PHF20L1: variants seen among roughly 807,000 people sequenced by gnomAD.
PHF20L1 encodes PHD finger protein 20-like protein 1.
In PHF20L1, 44 loss-of-function variants were observed where a neutral mutation model predicts 125.5. That is an observed-to-expected ratio of 0.35 (90% CI 0.28 to 0.45). PHF20L1 has a LOEUF of 0.45. Ranked by LOEUF, PHF20L1 falls within the 20% of genes least tolerant of loss-of-function variation. The pLI is 1.00. For synonymous variants in PHF20L1, 380 were observed against 403.1 expected (o/e 0.94, Z 0.69); for missense variants, 1,012 against 1,217.2 (o/e 0.83, Z 2.51).
At chr8:132,839,336 A>G (rs1452941710) in intron 17 of PHF20L1, 51 bp from the exon 18 acceptor site, 3 of 1,425,248 alleles carry the variant, frequency 2.1e-6, no homozygotes, top group Non-Finnish European at 2.9e-6. Context: ...AGTTGATGAA[A>G]AATCCGAGTA....
chr8:132,817,502 T>C lies in PHF20L1; in HGVS notation c.1536T>C (p.Ser512=). The C allele has an allele frequency of 6.2e-7, 1 of 1,612,106 alleles. No individual in the cohort carries two copies. Among genetic ancestry groups the C allele is most frequent in the South Asian group, 1.1e-5 (1 of 91,014 alleles). ...KEDTQMLPNP[S]SKAIADGRGA... Reference sequence around the variant, plus strand: ...ATACACAGATGCTTCCAAATCCTTCTTCCAAAGCAATAGCTGATGGAAGAG... The same window carrying C: ...ATACACAGATGCTTCCAAATCCTTCCTCCAAAGCAATAGCTGATGGAAGAG... Residue 512 remains serine, a synonymous_variant, in exon 12 of 21, where the codon TCT becomes TCC. Transcript: ENST00000395386.
intron 13 of PHF20L1, chr8:132,825,046 T>G: frequency 1.4e-6 from 2 of 1,462,692 alleles, no homozygotes; most frequent in Non-Finnish European, 1.8e-6. Context: ...TATCAGGAGT[T>G]GGGATTTCTC....
intron 13 of PHF20L1, chr8:132,824,294 G>T (rs1257248213): frequency 2.9e-6 from 1 of 350,544 alleles, no homozygotes; most frequent in South Asian, 1.1e-4. Flanking sequence ...AGGAACTTTT[G>T]TGTTTATGAT....
At position 132,832,344 on chromosome 8, in the gene PHF20L1, A is replaced by T; in HGVS notation, c.1854A>T (p.Lys618Asn). 6.2e-7 allele frequency: 1 copy of T among 1,612,454 alleles called. No homozygotes were observed. The highest frequency in any genetic ancestry group is 8.5e-7 in the Non-Finnish European group (1 of 1,178,824). ...CTTCACGAAGCATGTTTACGGAGAA[A>T]ACTACAACCTATCAGTACCCAAGGG... ...SLASRSMFTE[K>N]TTTYQYPRAI... is the part of the protein sequence containing the mutation. The change falls in exon 15 of 21, where the codon AAA becomes AAT. Residue 618 changes from lysine (K) to asparagine (N), a missense_variant. Physicochemically the swap from Lys to Asn is moderately conservative, Grantham distance 94. Coordinates refer to ENST00000395386, the MANE Select transcript of PHF20L1 (RefSeq NM_016018.5).
intron 15 of PHF20L1, among the ~76,000 whole-genome samples, chr8:132,833,873 A>C (rs751329637): frequency 1.3e-5 from 2 of 152,132 alleles, no homozygotes; most frequent in Non-Finnish European, 2.9e-5. Flanking sequence ...CAATGTTAGC[A>C]TGTGTCAGAA....
At chr8:132,811,169 T>G (rs931876088) in intron 9 of PHF20L1, 41 bp downstream of exon 9, 10 of 1,611,038 alleles carry the variant, frequency 6.2e-6, no homozygotes, top group Non-Finnish European at 8.5e-6. Context: ...AGGTTCCCAC[T>G]GGAATGATCA....
chr8:132,804,896 C>A (rs2131574596), intron 8 of PHF20L1, among the ~76,000 whole-genome samples, 156 bp downstream of exon 8: 1 of 151,862 alleles, frequency 6.6e-6, no homozygotes, highest in East Asian at 1.9e-4. Context: ...CAATGTCTTT[C>A]AACACCGTCA....
At chr8:132,825,404 T>C (rs1483153290) in intron 14 of PHF20L1, 33 bp downstream of exon 14, 3 of 1,446,850 alleles carry the variant, frequency 2.1e-6, no homozygotes, top group Non-Finnish European at 1.8e-6. Context: ...TCCCTCTTTT[T>C]TTAAAATTTG....
chr8:132,838,974 G>T (rs1465771361), intron 17 of PHF20L1, among the ~76,000 whole-genome samples: 1 of 152,138 alleles, frequency 6.6e-6, no homozygotes, highest in African/African-American at 2.4e-5. Context: ...TCACAGACAT[G>T]GGGGAAGGGT....
intron 15 of PHF20L1, among the ~76,000 whole-genome samples, chr8:132,833,736 T>C (rs1420531117): frequency 6.6e-6 from 1 of 152,124 alleles, no homozygotes; most frequent in Non-Finnish European, 1.5e-5. Context: ...ACAAGAACCC[T>C]TGAAAGAGCA....
At chr8:132,804,355 T>G (rs1196619977) in intron 7 of PHF20L1, among the ~76,000 whole-genome samples, 2 of 151,890 alleles carry the variant, frequency 1.3e-5, no homozygotes, top group Non-Finnish European at 2.9e-5. Flanking sequence ...TTTTAAATGC[T>G]TCTGTGTATG....
intron 2 of PHF20L1, among the ~76,000 whole-genome samples, chr8:132,789,571 A>G (rs1831438446): frequency 6.6e-6 from 1 of 152,184 alleles, no homozygotes; most frequent in Non-Finnish European, 1.5e-5. Flanking sequence ...CTTCATTTCC[A>G]TTAAGCCAAA....
chr8:132,811,250 G>T, intron 9 of PHF20L1, 122 bp downstream of exon 9: 2 of 1,475,116 alleles, frequency 1.4e-6, no homozygotes, highest in Non-Finnish European at 1.8e-6. Context: ...CTAATTAATT[G>T]ATGATATATT....
intron 2 of PHF20L1, among the ~76,000 whole-genome samples, chr8:132,789,305 A>G (rs945963401): frequency 3.9e-5 from 6 of 152,094 alleles, no homozygotes; most frequent in Admixed American, 6.6e-5. Context: ...TAAAATGACA[A>G]CATATCAGAT....
rs1215669699 is a variant in PHF20L1 at position 132,775,590 on chromosome 8, G to C, written c.-93G>C. The C allele has an allele frequency of 8.6e-6, 3 of 349,816 alleles. No individual in the cohort carries two copies. The highest frequency in any genetic ancestry group is 1.5e-5 in the Non-Finnish European group (3 of 194,330). The allele number at this position is 349,816 out of a possible 1,614,324, so 21.7% of individuals were successfully genotyped here. ...GAGGCCCGGGCTGGCCGCCCTGCTC[G>C]TGCCCCAGCTCGGCCCCGGACGGCC... On this transcript the variant is annotated 5_prime_UTR_variant, in exon 1 of 21. Transcript: ENST00000395386.
intron 9 of PHF20L1, chr8:132,813,016 TAACTC>T: frequency 1.1e-6 from 1 of 942,836 alleles, no homozygotes; most frequent in East Asian, 1.2e-4. Flanking sequence ...AGATGCATAA[TAACTC>T]AGTAAGTTTT....
chr8:132,803,963 A>G lies in PHF20L1; in HGVS notation c.652A>G (p.Thr218Ala), dbSNP rs1725266473. 3 of 1,612,412 alleles carry G rather than the reference A, an allele frequency of 1.9e-6. No individual in the cohort carries two copies. The highest frequency in any genetic ancestry group is 2.5e-6 in the Non-Finnish European group (3 of 1,178,796). ...TAAAGTACCTTCAAAGAAGGAGGAA[A>G]CTTCAACTTGTATAGCCACACCAGA... ...WFKVPSKKEE[T>A]STCIATPDVE... The change falls in exon 7 of 21, where the codon ACT (threonine) becomes GCT (alanine). Residue 218 changes from threonine to alanine, a missense_variant. Around this residue, in one of 7 missense-constraint regions of PHF20L1, gnomAD observed 134 missense variants for 145.9 expected, o/e 0.92. Transcript: ENST00000395386.
chr8:132,841,880 C>T (rs1047470036), intron 18 of PHF20L1: 2 of 152,058 alleles, frequency 1.3e-5, no homozygotes, highest in African/African-American at 4.8e-5. Context: ...GTTGGCTCGA[C>T]TGGTACATTT....
At chr8:132,826,920 T>C (rs1332818564) in intron 14 of PHF20L1, 1 of 152,020 alleles carries the variant, frequency 6.6e-6, no homozygotes, top group African/African-American at 2.4e-5. Flanking sequence ...AGTTTTGTGG[T>C]TGGTAATCAT....
Sources: allele counts gnomAD v4.1 joint callset (sites outside exome capture counted in the v4.1 genomes callset), GRCh38; gene constraint gnomAD v4.1.1; regional missense constraint gnomAD v4.1.1; transcripts MANE v1.5; gene names NCBI Gene and HGNC (gene_info 2026-07-23, HGNC 2026-07-21).